Variants in CACNA2D3 observed in about 807,000 individuals in gnomAD.
CACNA2D3 encodes voltage-dependent calcium channel subunit alpha-2/delta-3.
A neutral mutation model predicts 160.6 loss-of-function variants in CACNA2D3; 60 were observed. The ratio of observed to expected loss-of-function variants is 0.37; its 90% CI spans 0.30 to 0.46. CACNA2D3 has a LOEUF of 0.46. Ranked by LOEUF, CACNA2D3 falls within the 20% of genes least tolerant of loss-of-function variation. The pLI is 1.00. For missense variants in CACNA2D3, 1,205 were observed against 1,365.0 expected (o/e 0.88, Z 1.85); for synonymous variants, 558 against 492.9 (o/e 1.13, Z -1.75).
chr3:54,368,160 A>G (rs1698858275), intron 3 of CACNA2D3, among the ~76,000 whole-genome samples: 1 of 152,172 alleles, frequency 6.6e-6, no homozygotes, highest in Admixed American at 6.6e-5. Context: ...TTTAATGCTT[A>G]TTTAAAACCA....
intron 11 of CACNA2D3, among the ~76,000 whole-genome samples, chr3:54,742,876 T>C (rs929398234): frequency 3.3e-5 from 5 of 152,200 alleles, no homozygotes; most frequent in African/African-American, 1.2e-4. Flanking sequence ...ACTATGAGGC[T>C]GTAATAACAC....
At chr3:54,549,253 T>A (rs1702115263) in intron 5 of CACNA2D3, among the ~76,000 whole-genome samples, 1 of 152,152 alleles carries the variant, frequency 6.6e-6, no homozygotes, top group Non-Finnish European at 1.5e-5. Flanking sequence ...GAGACCATCC[T>A]GGCTAACACG....
At chr3:54,531,676 A>G (rs370021411) in intron 5 of CACNA2D3, among the ~76,000 whole-genome samples, 27 of 152,280 alleles carry the variant, frequency 1.8e-4, no homozygotes, top group African/African-American at 5.5e-4. Flanking sequence ...CCGGGTTCGG[A>G]ATGTCGGAAG....
At chr3:55,040,849 G>T (rs923894807) in intron 35 of CACNA2D3, among the ~76,000 whole-genome samples, 2 of 152,168 alleles carry the variant, frequency 1.3e-5, no homozygotes, top group Non-Finnish European at 2.9e-5. Context: ...ACCACAAAAT[G>T]AGGTAATTTA....
rs765946517 is a variant in CACNA2D3 at position 54,924,597 on chromosome 3, G to T, written c.2449+24729G>T. 2.6e-6 allele frequency: 4 copies of T among 1,566,346 alleles called. No homozygotes were observed. The African/African-American group carries it at 4.1e-5, about 16-fold the overall frequency. On this transcript the variant is annotated intron_variant, in intron 27 of 37. Transcript: ENST00000474759. Reference sequence around the variant, plus strand: ...TAGGCTGGTAACACACAGATGGGGGGTTCCAAATAGACATGACTGACCTTT... The same window carrying T: ...TAGGCTGGTAACACACAGATGGGGGTTTCCAAATAGACATGACTGACCTTT...
chr3:54,982,156 C>G (rs559805812), intron 29 of CACNA2D3, among the ~76,000 whole-genome samples: 1 of 152,240 alleles, frequency 6.6e-6, no homozygotes, highest in South Asian at 2.1e-4. Context: ...TAGCCCTTAG[C>G]AACAAGTGCA....
Position 54,764,300 on chromosome 3 carries a change from C to G in CACNA2D3, c.1329C>G (p.Val443=). 6.2e-7 allele frequency: 1 copy of G among 1,613,888 alleles called. No individual in the cohort carries two copies. Among genetic ancestry groups the G allele is most frequent in the South Asian group, 1.1e-5 (1 of 91,072 alleles). Residue 443 remains valine (V), a synonymous_variant, in exon 13 of 38, where the codon GTC becomes GTG. Transcript: ENST00000474759. ...EYLHVLSRPK[V]IDQEHDVVWT... is the part of the protein sequence containing the mutation. Reference sequence around the variant, plus strand: ...TTCACGTGCTTAGCCGGCCCAAAGTCATCGACCAGGAGCATGATGTGGTGT... The same window carrying G: ...TTCACGTGCTTAGCCGGCCCAAAGTGATCGACCAGGAGCATGATGTGGTGT...
At chr3:54,726,814 T>G (rs13233272) in intron 11 of CACNA2D3, among the ~76,000 whole-genome samples, 2 of 152,150 alleles carry the variant, frequency 1.3e-5, no homozygotes, top group African/African-American at 2.4e-5. Context: ...AAAAATCCTG[T>G]AAGGAAACGT....
intron 2 of CACNA2D3, among the ~76,000 whole-genome samples, chr3:54,290,868 A>G (rs1703179206): frequency 6.6e-6 from 1 of 151,274 alleles, no homozygotes; most frequent in Non-Finnish European, 1.5e-5. Flanking sequence ...ATGAGAACAC[A>G]CGGACACAGG....
At chr3:54,792,376 A>G (rs1469466508) in intron 13 of CACNA2D3, among the ~76,000 whole-genome samples, 2 of 152,184 alleles carry the variant, frequency 1.3e-5, no homozygotes, top group African/African-American at 2.4e-5. Context: ...AACTTATAAT[A>G]TGTTGACATA....
chr3:54,227,297 C>T (rs994435091), intron 2 of CACNA2D3, among the ~76,000 whole-genome samples: 1 of 152,060 alleles, frequency 6.6e-6, no homozygotes. Flanking sequence ...ATGTGCTAGG[C>T]CCCTTTTTGT....
At chr3:54,822,826 TC>T in intron 14 of CACNA2D3, among the ~76,000 whole-genome samples, 3 of 90,096 alleles carry the variant, frequency 3.3e-5, no homozygotes, top group Admixed American at 1.1e-4. Flanking sequence ...TTTCTTTCTT[TC>T]TTTCTTTTCT....
chr3:54,586,759 T>G (rs1302841411), intron 9 of CACNA2D3, among the ~76,000 whole-genome samples: 1 of 152,138 alleles, frequency 6.6e-6, no homozygotes, highest in African/African-American at 2.4e-5. Context: ...TTAAGCAAGA[T>G]AAAACATCCT....
chr3:54,731,592 C>T (rs1396722768), intron 11 of CACNA2D3, among the ~76,000 whole-genome samples: 2 of 151,888 alleles, frequency 1.3e-5, no homozygotes, highest in African/African-American at 2.4e-5. Context: ...TCATCTTGGC[C>T]CTAGAAGAGT....
At chr3:54,400,305 C>G (rs540282573) in intron 4 of CACNA2D3, among the ~76,000 whole-genome samples, 5 of 151,884 alleles carry the variant, frequency 3.3e-5, no homozygotes, top group African/African-American at 1.2e-4. Flanking sequence ...TGTTCCTATT[C>G]GGCCATCTTG....
At chr3:54,365,604 C>T (rs1308229901) in intron 3 of CACNA2D3, among the ~76,000 whole-genome samples, 1 of 152,194 alleles carries the variant, frequency 6.6e-6, no homozygotes, top group Non-Finnish European at 1.5e-5. Context: ...TGGCTCATAC[C>T]TGTAATCCCA....
chr3:54,889,684 AT>A (rs1409170162), intron 24 of CACNA2D3, among the ~76,000 whole-genome samples: 2 of 152,202 alleles, frequency 1.3e-5, no homozygotes, highest in African/African-American at 4.8e-5. Context: ...GCTGTTTAGT[AT>A]GCAAATCTGG....
At position 54,695,026 on chromosome 3, in the gene CACNA2D3, T is replaced by A. The variant is rs1340813913; in HGVS notation, c.1167+52785T>A. 2.0e-5 allele frequency among the ~76,000 whole-genome samples: 3 copies of A among 151,518 alleles called. No individual in the cohort carries two copies. The South Asian group carries it at 6.2e-4, about 32-fold the overall frequency. ...ACCACTTTGTCATGTCATAAAATATTTTTTTTTTGAGATGGAGTTTTGCTC... is the reference window on the plus strand; with the variant it reads ...ACCACTTTGTCATGTCATAAAATATATTTTTTTTGAGATGGAGTTTTGCTC... On this transcript the variant is annotated intron_variant, in intron 11 of 37. Coordinates refer to ENST00000474759, the MANE Select transcript of CACNA2D3 (RefSeq NM_018398.3).
At chr3:54,894,630 A>G in intron 25 of CACNA2D3, 1 of 515,280 alleles carries the variant, frequency 1.9e-6, no homozygotes, top group South Asian at 1.4e-5. Flanking sequence ...GAGTGCGAAC[A>G]CCTTCTGCTC....
Sources: allele counts gnomAD v4.1 joint callset (sites outside exome capture counted in the v4.1 genomes callset), GRCh38; gene constraint gnomAD v4.1.1; transcripts MANE v1.5; gene names NCBI Gene and HGNC (gene_info 2026-07-23, HGNC 2026-07-21).